The following DCAF11 variants were observed in gnomAD, a reference collection of about 807,000 sequenced individuals.
The protein encoded by DCAF11 is DDB1- and CUL4-associated factor 11.
DCAF11 carries 44 observed loss-of-function variants against 76.1 expected under a neutral mutation model. The ratio of observed to expected loss-of-function variants is 0.58; its 90% confidence interval spans 0.45 to 0.74. The LOEUF is 0.74. Ranked by LOEUF, DCAF11 falls within the 30% of genes least tolerant of loss-of-function variation. The probability of loss-of-function intolerance (pLI) is 0.00; values close to 1 mark genes in which losing one functional copy is unlikely to be tolerated. For missense variants in DCAF11, 604 were observed against 709.4 expected (o/e 0.85, Z 1.69); for synonymous variants, 258 against 255.0 (o/e 1.01, Z -0.11).
chr14:24,117,602 G>A lies in DCAF11; in HGVS notation c.412-66G>A. 6.4e-7 allele frequency: 1 copy of A among 1,573,310 alleles called. No homozygotes were observed. Among genetic ancestry groups the A allele is most frequent in the Admixed American group, 1.7e-5 (1 of 58,864 alleles). ...ACAAGAGCAATATCTTTGGAGGAGGGGGCTTGATATGGCTGAAGTGGCCCT... is the reference window on the plus strand; with the variant it reads ...ACAAGAGCAATATCTTTGGAGGAGGAGGCTTGATATGGCTGAAGTGGCCCT... On this transcript the variant is annotated intron_variant, in intron 4 of 14. Coordinates refer to ENST00000446197, the MANE Select transcript of DCAF11 (RefSeq NM_025230.5). This position sits in a 1 kb window ranked among gnomAD's most constrained non-coding sequence, Gnocchi z 4.3.
intron 9 of DCAF11, 120 bp downstream of exon 9, chr14:24,119,333 G>A (rs1178818768): frequency 7.2e-6 from 10 of 1,397,780 alleles, no homozygotes; most frequent in Non-Finnish European, 7.1e-6. Flanking sequence ...TTCTCCCAAG[G>A]TCAGGATTTA....
chr14:24,123,238 G>T lies in DCAF11; in HGVS notation c.1570G>T (p.Glu524Ter). 1 of 1,573,352 alleles carries T rather than the reference G, an allele frequency of 6.4e-7. No homozygotes were observed. The highest frequency in any genetic ancestry group is 8.6e-7 in the Non-Finnish European group (1 of 1,158,108). ...QAEYFQDDMP[E>*]SEECASAPAP... ...TGAGTACTTCCAGGATGACATGCCA[G>T]AATCTGAGGAATGTGCCAGCGCCCC... Residue 524 changes from glutamate (E) to a stop codon, truncating the protein, a stop_gained, in exon 15 of 15, where the codon GAA becomes TAA. Transcript: ENST00000446197. LOFTEE classifies it high-confidence loss of function.
At chr14:24,115,790 CA>C in intron 2 of DCAF11, 41 bp downstream of exon 2, 1 of 1,594,660 alleles carries the variant, frequency 6.3e-7, no homozygotes, top group Non-Finnish European at 8.6e-7. Flanking sequence ...GGTGCTACCA[CA>C]GTGCCTTGAT....
In DCAF11 at chr14:24,117,095, A is replaced by C. The variant is rs753535701; in HGVS notation, c.283+51A>C. 1.9e-6 allele frequency: 3 copies of C among 1,613,244 alleles called. No individual in the cohort carries two copies. The highest frequency in any genetic ancestry group is 1.7e-5 in the Admixed American group (1 of 59,882). Reference sequence around the variant, plus strand: ...GAAGACTTTTACTAGAAAACCTTTTAGTGATATTTTGAATGATAGGTTACA... The same window carrying C: ...GAAGACTTTTACTAGAAAACCTTTTCGTGATATTTTGAATGATAGGTTACA... On this transcript the variant is annotated intron_variant, in intron 3 of 14. Transcript: ENST00000446197. This position sits in a 1 kb window ranked among gnomAD's most constrained non-coding sequence, Gnocchi z 4.3.
intron 13 of DCAF11, 62 bp downstream of exon 13, chr14:24,121,579 C>T: frequency 6.4e-7 from 1 of 1,562,984 alleles, no homozygotes; most frequent in East Asian, 2.3e-5. Context: ...TGCCATTCCA[C>T]CTATAACGAC....
intron 2 of DCAF11, 63 bp downstream of exon 2, chr14:24,115,812 G>A (rs2139008870): frequency 1.3e-6 from 2 of 1,562,634 alleles, no homozygotes; most frequent in East Asian, 2.3e-5. Context: ...CCCAACTCCA[G>A]GCAGGAAAAT....
rs780740965 is a variant in DCAF11, at chr14:24,119,257, G to C, written c.848+44G>C. ...TGTTTCCCTCAATAACAAGATGGGG[G>C]TTCTGCCAGAGATGAGTTCTGCTGT... is the stretch of plus-strand genomic sequence containing the variant. On this transcript the variant is annotated intron_variant, in intron 9 of 14. Coordinates refer to ENST00000446197, the MANE Select transcript of DCAF11 (RefSeq NM_025230.5). 1.4e-5 allele frequency: 23 copies of C among 1,609,694 alleles called. No homozygotes were observed. In the East Asian group the frequency reaches 1.6e-4, roughly 11 times the overall value.
rs905357100 is a variant in DCAF11, at chr14:24,117,399, C to A, written c.411+6C>A. ...TTCCTCGAATGTTGCACCAGGTAGG[C>A]CTCTCCACCTCCCAGCCTGGCAGCA... On this transcript the variant is annotated splice_donor_region_variant and intron_variant, in intron 4 of 14. Transcript: ENST00000446197. This position sits in a 1 kb window ranked among gnomAD's most constrained non-coding sequence, Gnocchi z 4.3. 1.9e-6 allele frequency: 3 copies of A among 1,613,790 alleles called. No homozygotes were observed. In the African/African-American group the frequency reaches 4.0e-5, roughly 22 times the overall value.
chr14:24,117,260 TCA>T lies in DCAF11; in HGVS notation c.284-3_284-2del, dbSNP rs2037598450. 2 of 1,614,048 alleles carry T rather than the reference TCA, an allele frequency of 1.2e-6. No homozygotes were observed. The highest frequency in any genetic ancestry group is 1.7e-6 in the Non-Finnish European group (2 of 1,180,026). ...CTAGGATGAAACTTCTCCTTGGTAC[TCA>T]CAGTGGATGCTACCCCTGACACCCG... On this transcript the variant is annotated splice_polypyrimidine_tract_variant and splice_region_variant and intron_variant, in intron 3 of 14. Transcript: ENST00000446197. This position sits in a 1 kb window ranked among gnomAD's most constrained non-coding sequence, Gnocchi z 4.3.
chr14:24,120,773 A>G, intron 11 of DCAF11, 65 bp from the exon 12 acceptor site: 2 of 1,589,140 alleles, frequency 1.3e-6, no homozygotes, highest in South Asian at 1.1e-5. Flanking sequence ...GAGAACGGGA[A>G]CTAGACTGAC....
rs768198049 is a variant in DCAF11, at chr14:24,120,935, G to T, written c.1190G>T (p.Arg397Leu). 2 of 1,614,176 alleles carry T rather than the reference G, an allele frequency of 1.2e-6. No individual in the cohort carries two copies. Among genetic ancestry groups the T allele is most frequent in the Non-Finnish European group, 1.7e-6 (2 of 1,180,036 alleles). Residue 397 changes from arginine to leucine, a missense_variant, in exon 12 of 15, where the codon CGC becomes CTC. By Grantham distance (102) the Arg-to-Leu change is moderately radical (BLOSUM62 -2). Transcript: ENST00000446197. ...AGCCGGGAAGGCATGGAAGCTTCAC[G>T]CCAGGCTGCCACACAGCAAAACTGG... is the stretch of plus-strand genomic sequence containing the variant. ...FSSREGMEAS[R>L]QAATQQNWDY...
Position 24,118,544 on chromosome 14 carries a change from C to T in DCAF11, c.724+10C>T. The T allele has an allele frequency of 6.2e-7, 1 of 1,611,960 alleles. No individual in the cohort carries two copies. Among genetic ancestry groups the T allele is most frequent in the Non-Finnish European group, 8.5e-7 (1 of 1,178,234 alleles). ...AGCTGGTCTGATTACAGTGAGTATG[C>T]ACCAGGCTTCCACTGACTCTCCAGC... On this transcript the variant is annotated intron_variant, in intron 7 of 14. Coordinates refer to ENST00000446197, the MANE Select transcript of DCAF11 (RefSeq NM_025230.5).
Position 24,123,553 on chromosome 14 carries a change from A to G in DCAF11, c.*244A>G. The G allele has an allele frequency of 6.2e-6, 3 of 484,428 alleles. No individual in the cohort carries two copies. The highest frequency in any genetic ancestry group is 1.0e-5 in the Non-Finnish European group (3 of 293,902). The allele number at this position is 484,428 out of a possible 1,614,324, so 30.0% of individuals were successfully genotyped here. On this transcript the variant is annotated 3_prime_UTR_variant, in exon 15 of 15. Transcript: ENST00000446197. ...CTGGCCAGAGTTTGGCAGGACTGCCATTATCTGGGGTGTGGCCTCTGCCAG... is the reference window on the plus strand; with the variant it reads ...CTGGCCAGAGTTTGGCAGGACTGCCGTTATCTGGGGTGTGGCCTCTGCCAG...
In DCAF11 at chr14:24,117,714, A is replaced by G. The variant is rs1566591572; in HGVS notation, c.458A>G (p.Gln153Arg). 1.9e-6 allele frequency: 3 copies of G among 1,614,014 alleles called. No homozygotes were observed. The highest frequency in any genetic ancestry group is 1.7e-6 in the Non-Finnish European group (2 of 1,180,006). ...CHRGSFSLGEQSRVISHFLPN... is the reference protein window; with the variant it reads ...CHRGSFSLGERSRVISHFLPN... The stretch of plus-strand genomic sequence containing the variant: ...CGGGGAAGCTTCTCCCTTGGAGAAC[A>G]GTCTCGAGTGATATCTCAGTGAGTA... Residue 153 changes from glutamine to arginine, a missense_variant, in exon 5 of 15, where the codon CAG (glutamine) becomes CGG (arginine). Coordinates refer to ENST00000446197, the MANE Select transcript of DCAF11 (RefSeq NM_025230.5). The surrounding 1 kb of genome is among the most constrained non-coding windows in gnomAD (Gnocchi z 4.3).
chr14:24,118,811 G>T lies in DCAF11; in HGVS notation c.779+7G>T, dbSNP rs200912602. On this transcript the variant is annotated splice_region_variant and intron_variant, in intron 8 of 14. Coordinates refer to ENST00000446197, the MANE Select transcript of DCAF11 (RefSeq NM_025230.5). ...ACACTGCCCTGGATCTCAGGTACTG[G>T]CTTCCCTTTCTGGTCAGACTCATCA... is the stretch of plus-strand genomic sequence containing the variant. 4 of 1,613,822 alleles carry T rather than the reference G, an allele frequency of 2.5e-6. No homozygotes were observed. In the African/African-American group the frequency reaches 5.3e-5, roughly 22 times the overall value.
rs768320339 is a variant in DCAF11, at chr14:24,119,614, C to T, written c.904C>T (p.Gln302Ter). Residue 302 changes from glutamine to a stop codon, truncating the protein, a stop_gained and splice_region_variant, in exon 10 of 15, where the codon CAG becomes TAG. Transcript: ENST00000446197. LOFTEE classifies it high-confidence loss of function. ...CCGAGAACAGAACCGGCGCACCCTT[C>T]AGGTATGGCTCCTGAGATAGAGCCT... ...FDREQNRRTL[Q>*]IESHEDDVNA... 1.2e-6 allele frequency: 2 copies of T among 1,614,228 alleles called. No individual in the cohort carries two copies. The highest frequency in any genetic ancestry group is 1.7e-6 in the Non-Finnish European group (2 of 1,180,048).
rs760494244 is a variant in DCAF11, at chr14:24,119,202, A to G, written c.837A>G (p.Glu279=). ...TTGCTGTCTCCTCAGATGGACGAGA[A>G]GTACTAGGAGGGTAAGTGCTTGTGG... is the stretch of plus-strand genomic sequence containing the variant. ...FSIAVSSDGR[E]VLGGANDGCL... Residue 279 remains glutamate (E), a synonymous_variant, in exon 9 of 15, where the codon GAA becomes GAG. Coordinates refer to ENST00000446197, the MANE Select transcript of DCAF11 (RefSeq NM_025230.5). 1 of 1,614,080 alleles carries G rather than the reference A, an allele frequency of 6.2e-7. No individual in the cohort carries two copies. The highest frequency in any genetic ancestry group is 8.5e-7 in the Non-Finnish European group (1 of 1,180,026).
chr14:24,118,210 CT>C (rs1174333109), intron 6 of DCAF11, 55 bp downstream of exon 6: 3 of 1,573,120 alleles, frequency 1.9e-6, no homozygotes, highest in Non-Finnish European at 1.7e-6. Context: ...GACATTCCCC[CT>C]GACTGAGGCT....
At chr14:24,118,225 A>G in intron 6 of DCAF11, 70 bp downstream of exon 6, 1 of 1,565,568 alleles carries the variant, frequency 6.4e-7, no homozygotes, top group Non-Finnish European at 8.8e-7. Flanking sequence ...TGAGGCTAGA[A>G]AGCCACAGAC....
Sources: gnomAD v4.1 joint callset for allele counts on GRCh38, gnomAD v4.1.1 for gene constraint, Gnocchi (gnomAD v3.1) non-coding constraint, MANE v1.5 for transcripts, NCBI Gene and HGNC (gene_info 2026-07-23, HGNC 2026-07-21) for gene names.